CREB5: variants seen among roughly 807,000 people sequenced by gnomAD.
CREB5 encodes the protein cAMP responsive element binding protein 5.
A neutral mutation model predicts 57.1 loss-of-function variants in CREB5; 19 were observed. The observed-to-expected ratio is 0.33, with a 90% CI of 0.23 to 0.49. CREB5 has a LOEUF of 0.49. CREB5 is among the 20% of genes least tolerant of loss of function. The pLI is 0.99. For synonymous variants in CREB5, 238 were observed against 238.3 expected (o/e 1.00, Z 0.01); for missense variants, 579 against 671.6 (o/e 0.86, Z 1.52).
chr7:28,501,678 G>A (rs1323626118), intron 3 of CREB5, among the ~76,000 whole-genome samples: 2 of 152,110 alleles, frequency 1.3e-5, no homozygotes, highest in Non-Finnish European at 2.9e-5. Flanking sequence ...TAGCTCACTC[G>A]GCCAGCAGAG....
At chr7:28,449,744 C>CA (rs1789695097) in intron 1 of CREB5, among the ~76,000 whole-genome samples, 1 of 152,176 alleles carries the variant, frequency 6.6e-6, no homozygotes, top group Non-Finnish European at 1.5e-5. Flanking sequence ...AAGGGCCTCT[C>CA]AAAGAAGAAT....
chr7:28,783,506 C>CA (rs1807114410), intron 7 of CREB5, among the ~76,000 whole-genome samples: 1 of 152,142 alleles, frequency 6.6e-6, no homozygotes, highest in Non-Finnish European at 1.5e-5. Flanking sequence ...TGAATAAAAA[C>CA]AAAACCAAAT....
chr7:28,400,064 G>GAT (rs1787425786), intron 1 of CREB5, among the ~76,000 whole-genome samples: 1 of 125,572 alleles, frequency 8.0e-6, no homozygotes, highest in African/African-American at 3.2e-5. Context: ...GTCTGAAACA[G>GAT]ATACACACAC....
chr7:28,345,250 A>T (rs1786027417), intron 1 of CREB5, among the ~76,000 whole-genome samples: 1 of 147,324 alleles, frequency 6.8e-6, no homozygotes, highest in East Asian at 2.0e-4. Context: ...AGGATAAACC[A>T]TATGGTGGCC....
chr7:28,673,649 C>T (rs1350689281), intron 5 of CREB5, among the ~76,000 whole-genome samples: 2 of 139,646 alleles, frequency 1.4e-5, no homozygotes, highest in African/African-American at 5.4e-5. Flanking sequence ...TGAAGTTTCT[C>T]TCTCTCTCTT....
chr7:28,672,810 T>C (rs1020696407), intron 5 of CREB5, among the ~76,000 whole-genome samples: 1 of 152,224 alleles, frequency 6.6e-6, no homozygotes, highest in Admixed American at 6.5e-5. Context: ...GTTCAGTTTT[T>C]TCACCTGCAG....
chr7:28,647,747 G>A (rs1360647442), intron 5 of CREB5, among the ~76,000 whole-genome samples: 1 of 152,120 alleles, frequency 6.6e-6, no homozygotes, highest in Non-Finnish European at 1.5e-5. Flanking sequence ...AAATGTGGCT[G>A]GTGCAACTGA....
At chr7:28,616,946 T>C (rs867998053) in intron 5 of CREB5, among the ~76,000 whole-genome samples, 26 of 152,226 alleles carry the variant, frequency 1.7e-4, no homozygotes, top group African/African-American at 6.3e-4. Context: ...CTATAAAGCA[T>C]AAAGCTTAGG....
Position 28,560,891 on chromosome 7 carries a change from T to TGCGCGCGCGCGTGCGC in CREB5, c.292-9473_292-9472insCGCGCGCGCGTGCGCG, listed in dbSNP as rs1314317818. 2.6e-3 allele frequency among the ~76,000 whole-genome samples: 51 copies of TGCGCGCGCGCGTGCGC among 19,720 alleles called. 3 individuals are homozygous for TGCGCGCGCGCGTGCGC. The highest frequency in any genetic ancestry group is 4.3e-3 in the Non-Finnish European group (46 of 10,796). 12.9% of individuals were successfully genotyped at this position (19,720 alleles called of 152,430 possible). The stretch of plus-strand genomic sequence containing the variant: ...CTGCGTGCGCGTGCGTGCGTGCGTG[T>TGCGCGCGCGCGTGCGC]GTGTGCGTGCGCGCGTGCGTGTGCG... On this transcript the variant is annotated intron_variant, in intron 4 of 10. Coordinates refer to ENST00000357727, the MANE Select transcript of CREB5 (RefSeq NM_182898.4).
At chr7:28,612,568 G>A (rs947066049) in intron 5 of CREB5, among the ~76,000 whole-genome samples, 1 of 151,382 alleles carries the variant, frequency 6.6e-6, no homozygotes, top group Non-Finnish European at 1.5e-5. Flanking sequence ...GTGTGTGTGT[G>A]TGTGTGTGTG....
intron 1 of CREB5, among the ~76,000 whole-genome samples, chr7:28,440,267 T>C (rs1789132507): frequency 2.0e-5 from 3 of 152,210 alleles, no homozygotes; most frequent in Non-Finnish European, 1.5e-5. Context: ...ACTCACCATC[T>C]GCTTAAGTTG....
At chr7:28,315,906 A>G (rs561532281) in intron 1 of CREB5, among the ~76,000 whole-genome samples, 2 of 152,326 alleles carry the variant, frequency 1.3e-5, no homozygotes, top group East Asian at 3.9e-4. Context: ...GGAAGTGATC[A>G]GTGGAGGAAA....
chr7:28,700,291 T>A (rs1801781669), intron 5 of CREB5, among the ~76,000 whole-genome samples: 1 of 152,140 alleles, frequency 6.6e-6, no homozygotes, highest in Non-Finnish European at 1.5e-5. Context: ...TCATCTTTCC[T>A]GGAACAATTC....
At chr7:28,457,596 G>A (rs892472109) in intron 1 of CREB5, among the ~76,000 whole-genome samples, 3 of 152,188 alleles carry the variant, frequency 2.0e-5, no homozygotes, top group African/African-American at 7.2e-5. Context: ...CCAGGGATTG[G>A]ATTTTATGTT....
chr7:28,719,246 GATA>G (rs10602091), intron 6 of CREB5, among the ~76,000 whole-genome samples: 30,202 of 152,036 alleles, frequency 0.2, 3,126 homozygotes, highest in Admixed American at 0.22. Context: ...CAGGACTCAG[GATA>G]ATAACTATAA....
At chr7:28,527,765 C>A (rs1793508962) in intron 4 of CREB5, among the ~76,000 whole-genome samples, 1 of 152,240 alleles carries the variant, frequency 6.6e-6, no homozygotes, top group Non-Finnish European at 1.5e-5. Flanking sequence ...TTGCAGTAAG[C>A]TTTGATTGCA....
chr7:28,389,324 T>C (rs1787168056), intron 1 of CREB5, among the ~76,000 whole-genome samples: 1 of 152,142 alleles, frequency 6.6e-6, no homozygotes, highest in Non-Finnish European at 1.5e-5. Flanking sequence ...ATAAGATGGA[T>C]TAGGAATTTC....
At chr7:28,347,368 T>G (rs994317438) in intron 1 of CREB5, among the ~76,000 whole-genome samples, 1 of 152,166 alleles carries the variant, frequency 6.6e-6, no homozygotes, top group South Asian at 2.1e-4. Context: ...GATCTTTGAT[T>G]TAATACGACT....
At chr7:28,626,671 G>A (rs561261811) in intron 5 of CREB5, among the ~76,000 whole-genome samples, 16 of 152,280 alleles carry the variant, frequency 1.1e-4, no homozygotes, top group African/African-American at 2.9e-4. Context: ...TTTTAAACGA[G>A]TGCAAATAGA....
Sources: allele counts gnomAD v4.1 joint callset (sites outside exome capture counted in the v4.1 genomes callset), GRCh38; gene constraint gnomAD v4.1.1; transcripts MANE v1.5; gene names NCBI Gene and HGNC (gene_info 2026-07-23, HGNC 2026-07-21).